Variants in TTC8 observed in about 807,000 individuals in gnomAD.
TTC8 encodes tetratricopeptide repeat domain 8.
A neutral mutation model predicts 72.5 loss-of-function variants in TTC8; 47 were observed. The ratio of observed to expected loss-of-function variants is 0.65; its 90% CI spans 0.51 to 0.83. The LOEUF is 0.83. TTC8 is among the 40% of genes least tolerant of loss of function. The probability of loss-of-function intolerance (pLI) is 0.00; values close to 1 mark genes in which losing one functional copy is unlikely to be tolerated. For missense variants in TTC8, 611 were observed against 623.2 expected (o/e 0.98, Z 0.21); for synonymous variants, 199 against 221.4 (o/e 0.90, Z 0.90).
intron 9 of TTC8, among the ~76,000 whole-genome samples, chr14:88,858,691 T>C (rs1411601229): frequency 6.6e-6 from 1 of 150,960 alleles, no homozygotes; most frequent in Non-Finnish European, 1.5e-5. Flanking sequence ...CTTCCCAGGC[T>C]CAGGCGATCC....
intron 2 of TTC8, among the ~76,000 whole-genome samples, chr14:88,834,849 A>G (rs1218850801): frequency 6.6e-6 from 1 of 152,200 alleles, no homozygotes; most frequent in African/African-American, 2.4e-5. Flanking sequence ...AAAACTATAA[A>G]TGGCATTTAA....
At chr14:88,847,242 G>C in intron 7 of TTC8, among the ~76,000 whole-genome samples, 1 of 152,202 alleles carries the variant, frequency 6.6e-6, no homozygotes, top group East Asian at 1.9e-4. Context: ...CGGGTGTAAT[G>C]CCAGGTGTTC....
intron 7 of TTC8, chr14:88,846,745 T>C (rs2094808644): frequency 1.1e-6 from 1 of 885,944 alleles, no homozygotes; most frequent in Non-Finnish European, 1.6e-6. Context: ...ACTGTAATTT[T>C]TACATATTAT....
rs373168182 is a variant in TTC8, at chr14:88,844,397, A to G, written c.624+547A>G. 3.3e-5 allele frequency among the ~76,000 whole-genome samples: 5 copies of G among 152,326 alleles called. No individual in the cohort carries two copies. In the East Asian group the frequency reaches 7.7e-4, roughly 24 times the overall value. On this transcript the variant is annotated intron_variant, in intron 7 of 14. Coordinates refer to ENST00000380656, the MANE Select transcript of TTC8 (RefSeq NM_144596.4). The stretch of plus-strand genomic sequence containing the variant: ...TTATATGCAAATGAGCAATAATGGA[A>G]CAACTTTGGTCAAATCAAATGCAGT...
At chr14:88,859,378 G>A (rs896173068) in intron 9 of TTC8, among the ~76,000 whole-genome samples, 4 of 152,048 alleles carry the variant, frequency 2.6e-5, no homozygotes, top group Non-Finnish European at 5.9e-5. Context: ...AACATGGATG[G>A]AGCTGGAGGC....
downstream of TTC8, chr14:88,880,078 A>G (rs1190094265): frequency 2.0e-5 from 3 of 152,166 alleles, no homozygotes; most frequent in Non-Finnish European, 4.4e-5. Flanking sequence ...GAAAACAAAT[A>G]TTTTAGAAAG....
intron 14 of TTC8, 99 bp downstream of exon 14, chr14:88,875,208 C>A: frequency 9.9e-7 from 1 of 1,013,848 alleles, no homozygotes; most frequent in Non-Finnish European, 1.5e-6. Flanking sequence ...ACCTCATCTT[C>A]CTGAAAGAAA....
chr14:88,827,174 G>A (rs1267797548), intron 1 of TTC8, among the ~76,000 whole-genome samples: 2 of 152,002 alleles, frequency 1.3e-5, no homozygotes, highest in African/African-American at 4.8e-5. Context: ...ATTCAGTATT[G>A]CACCTATAAA....
Position 88,875,106 on chromosome 14 carries a change from T to C in TTC8, c.1428T>C (p.Asp476=), listed in dbSNP as rs1162301288. ...ATTTTAATTTTGCAACAATCTCTGA[T>C]AAGGTATTCTCTTTCTTCATTAATT... ...EPHFNFATIS[D]KIGDLQRSYV... Residue 476 remains aspartate (D), a synonymous_variant, in exon 14 of 15, where the codon GAT becomes GAC. Transcript: ENST00000380656. 1 of 1,608,476 alleles carries C rather than the reference T, an allele frequency of 6.2e-7. No individual in the cohort carries two copies. The highest frequency in any genetic ancestry group is 8.5e-7 in the Non-Finnish European group (1 of 1,175,912).
At chr14:88,875,336 A>C (rs1273778794) in intron 14 of TTC8, among the ~76,000 whole-genome samples, 1 of 152,160 alleles carries the variant, frequency 6.6e-6, no homozygotes, top group Non-Finnish European at 1.5e-5. Context: ...AGATTATAGA[A>C]TTATTTTATG....
At chr14:88,839,703 T>A in intron 3 of TTC8, 131 bp downstream of exon 3, 1 of 1,111,240 alleles carries the variant, frequency 9.0e-7, no homozygotes, top group Admixed American at 2.4e-5. Context: ...GAAACAAAAA[T>A]GATGAAAAAA....
At chr14:88,836,070 T>C (rs1284522305) in intron 2 of TTC8, among the ~76,000 whole-genome samples, 3 of 152,196 alleles carry the variant, frequency 2.0e-5, no homozygotes, top group Non-Finnish European at 4.4e-5. Flanking sequence ...TCTGAGTAGA[T>C]TTTATTCTAG....
Position 88,877,819 on chromosome 14 carries a change from C to G in TTC8, c.*409C>G, listed in dbSNP as rs1195144719. ...CTGCCATTAAAACTGCACCTTTAAG[C>G]CAGGTGTGGTAGCATGTGCCTATAG... On this transcript the variant is annotated 3_prime_UTR_variant, in exon 15 of 15. Transcript: ENST00000380656. 6.3e-6 allele frequency: 1 copy of G among 157,760 alleles called. No homozygotes were observed. The highest frequency in any genetic ancestry group is 1.4e-5 in the Non-Finnish European group (1 of 71,628). 9.8% of individuals were successfully genotyped at this position (157,760 alleles called of 1,614,324 possible). A position where few individuals can be genotyped will look rare whatever the true frequency, so the allele number is the denominator to read the frequency against.
intron 1 of TTC8, among the ~76,000 whole-genome samples, chr14:88,827,116 A>G (rs746042373): frequency 8.5e-5 from 13 of 152,090 alleles, no homozygotes; most frequent in Non-Finnish European, 1.5e-4. Flanking sequence ...CAAAGCAGCA[A>G]TATTTTTATT....
At chr14:88,872,271 A>G in intron 12 of TTC8, 59 bp from the exon 13 acceptor site, 1 of 1,609,268 alleles carries the variant, frequency 6.2e-7, no homozygotes, top group Non-Finnish European at 8.5e-7. Flanking sequence ...ACCTATGAGG[A>G]AAGAAGGGAG....
intron 13 of TTC8, 101 bp downstream of exon 13, chr14:88,872,553 T>G: frequency 2.4e-3 from 3,030 of 1,288,698 alleles, no homozygotes; most frequent in Non-Finnish European, 3.0e-3. Context: ...AAATGAGCTC[T>G]AGAATCTGAC....
chr14:88,839,006 A>G (rs2094766555), intron 2 of TTC8, among the ~76,000 whole-genome samples: 1 of 152,228 alleles, frequency 6.6e-6, no homozygotes, highest in Non-Finnish European at 1.5e-5. Flanking sequence ...GCATAAAGAG[A>G]AGTCTCTGAG....
rs977295822 is a variant in TTC8 at position 88,854,116 on chromosome 14, C to G, written c.710+1060C>G. Among the ~76,000 whole-genome samples the G allele has an allele frequency of 4.3e-4, 66 of 152,138 alleles. 1 individual carries two copies. On this transcript the variant is annotated intron_variant, in intron 8 of 14. Transcript: ENST00000380656. ...TGCTGCTAGATGGAGAAAGTGTTTT[C>G]TGCTAAAAGGTAATTTTAGACCATT...
chr14:88,860,799 T>C (rs1167690698), intron 9 of TTC8, among the ~76,000 whole-genome samples: 5 of 148,808 alleles, frequency 3.4e-5, no homozygotes. Flanking sequence ...TGAAAATTCT[T>C]TCTTCTTCTT....
Sources: gnomAD v4.1 joint callset for allele counts (sites outside exome capture counted in the v4.1 genomes callset) on GRCh38, gnomAD v4.1.1 for gene constraint, MANE v1.5 for transcripts, NCBI Gene and HGNC (gene_info 2026-07-23, HGNC 2026-07-21) for gene names.